Variants in MTCL3 observed in about 807,000 individuals in gnomAD.
The protein encoded by MTCL3 is microtubule cross-linking factor 3.
At chr6:127,509,688 A>G in the MTCL3 span, among the ~76,000 whole-genome samples, 33 of 152,330 alleles carry the variant, frequency 2.2e-4, no homozygotes, top group South Asian at 5.6e-3. Context: ...CAAGTTGGTT[A>G]ACACTCACCA....
At chr6:127,493,263 T>A in the MTCL3 span, among the ~76,000 whole-genome samples, 1 of 152,314 alleles carries the variant, frequency 6.6e-6, no homozygotes, top group African/African-American at 2.4e-5. Flanking sequence ...CAGAAAATTA[T>A]CAATTTTAAT....
chr6:127,476,531 C>T, the MTCL3 span: 5 of 1,323,350 alleles, frequency 3.8e-6, no homozygotes, highest in Admixed American at 4.7e-5. This position sits in a 1 kb window ranked among gnomAD's most constrained non-coding sequence, Gnocchi z 4.4. Context: ...AAGGAAACAA[C>T]CAAAAGAGGA....
chr6:127,514,870 C>G, the MTCL3 span: 6 of 1,614,004 alleles, frequency 3.7e-6, no homozygotes, highest in Non-Finnish European at 5.1e-6. Context: ...TCGATTTCCC[C>G]GGTCTGGGCG....
chr6:127,493,154 T>A, the MTCL3 span, among the ~76,000 whole-genome samples: 342 of 152,318 alleles, frequency 2.2e-3, 1 homozygote, highest in Non-Finnish European at 3.9e-3. Context: ...TTTCTATAGT[T>A]TTCCTAGGCA....
At chr6:127,497,124 G>T in the MTCL3 span, among the ~76,000 whole-genome samples, 1 of 152,168 alleles carries the variant, frequency 6.6e-6, no homozygotes, top group Non-Finnish European at 1.5e-5. Flanking sequence ...CAACGTGGAA[G>T]TTTACTACAA....
chr6:127,474,015 G>A, the MTCL3 span, among the ~76,000 whole-genome samples: 68 of 152,222 alleles, frequency 4.5e-4, no homozygotes, highest in South Asian at 0.014. Flanking sequence ...TCCCTGTTCT[G>A]GAATAGTTAT....
the MTCL3 span, among the ~76,000 whole-genome samples, chr6:127,507,871 G>GAAAAAAAAAGAA: frequency 6.3e-5 from 7 of 110,976 alleles, no homozygotes; most frequent in African/African-American, 1.0e-4. Context: ...AAAAAAAAAA[G>GAAAAAAAAAGAA]AAAAAAAATG....
At chr6:127,503,138 T>C in the MTCL3 span, among the ~76,000 whole-genome samples, 1 of 152,024 alleles carries the variant, frequency 6.6e-6, no homozygotes, top group African/African-American at 2.4e-5. Context: ...AGGAAGAACA[T>C]GAAAGTGGCA....
chr6:127,498,299 C>T, the MTCL3 span, among the ~76,000 whole-genome samples: 11 of 152,040 alleles, frequency 7.2e-5, no homozygotes, highest in African/African-American at 2.2e-4. Flanking sequence ...AGATATTGCA[C>T]AAAATAAGAT....
At chr6:127,476,827 C>T in the MTCL3 span, among the ~76,000 whole-genome samples, 5 of 152,296 alleles carry the variant, frequency 3.3e-5, no homozygotes, top group Admixed American at 1.3e-4. The surrounding 1 kb of genome is among the most constrained non-coding windows in gnomAD (Gnocchi z 4.4). Context: ...ATCTGTTCAA[C>T]GAGCATGTGG....
At chr6:127,513,001 C>A in the MTCL3 span, 1 of 1,611,718 alleles carries the variant, frequency 6.2e-7, no homozygotes, top group Non-Finnish European at 8.5e-7. Context: ...CTCTTTTCTT[C>A]CACATTTTCT....
the MTCL3 span, among the ~76,000 whole-genome samples, chr6:127,493,731 T>G: frequency 6.6e-6 from 1 of 152,232 alleles, no homozygotes; most frequent in African/African-American, 2.4e-5. Context: ...AAAGCAAATT[T>G]TAAAAGCTGA....
the MTCL3 span, among the ~76,000 whole-genome samples, chr6:127,492,397 GA>G: frequency 1.3e-5 from 2 of 148,866 alleles, no homozygotes; most frequent in Admixed American, 6.7e-5. Flanking sequence ...CCATAAAAGC[GA>G]AAAAAAAAGA....
At chr6:127,514,733 C>T in the MTCL3 span, 317 of 1,017,828 alleles carry the variant, frequency 3.1e-4, no homozygotes, top group Middle Eastern at 4.7e-3. Context: ...TTGCCAGTCG[C>T]CACTGAAGAC....
chr6:127,487,467 G>A, the MTCL3 span, among the ~76,000 whole-genome samples: 1 of 152,142 alleles, frequency 6.6e-6, no homozygotes, highest in East Asian at 1.9e-4. Flanking sequence ...CCCAGGGATT[G>A]CCTGCTGGAA....
the MTCL3 span, among the ~76,000 whole-genome samples, chr6:127,500,771 A>G: frequency 1.3e-5 from 2 of 152,226 alleles, no homozygotes; most frequent in African/African-American, 4.8e-5. Flanking sequence ...CTCACATTAA[A>G]TTAACAAAGA....
chr6:127,501,133 T>C, the MTCL3 span, among the ~76,000 whole-genome samples: 1 of 152,208 alleles, frequency 6.6e-6, no homozygotes, highest in African/African-American at 2.4e-5. Context: ...AAGTTTCATT[T>C]TTGATTTTGG....
the MTCL3 span, chr6:127,473,188 T>C: frequency 1.5e-6 from 2 of 1,331,050 alleles, no homozygotes; most frequent in Non-Finnish European, 9.7e-7. Context: ...CATTGGTTAC[T>C]ACAGAAATTA....
At chr6:127,476,079 C>G in the MTCL3 span, 1 of 1,613,838 alleles carries the variant, frequency 6.2e-7, no homozygotes. This position sits in a 1 kb window ranked among gnomAD's most constrained non-coding sequence, Gnocchi z 4.4. Flanking sequence ...CCACCAGCTG[C>G]AGGTGCTGCC....
Sources: gnomAD v4.1 joint callset for allele counts (sites outside exome capture counted in the v4.1 genomes callset) on GRCh38, gnomAD v4.1.1 for gene constraint, Gnocchi (gnomAD v3.1) non-coding constraint, MANE v1.5 for transcripts, NCBI Gene and HGNC (gene_info 2026-07-23, HGNC 2026-07-21) for gene names.